Variants in EYS observed in about 807,000 individuals in gnomAD.
EYS encodes protein eyes shut homolog.
Under a neutral mutation model 282.1 loss-of-function variants are expected in EYS, and 250 were observed. The observed-to-expected ratio is 0.89, with a 90% CI of 0.80 to 0.98. The LOEUF is 0.98. EYS is among the 50% of genes least tolerant of loss of function. EYS has a pLI of 0.00. For missense variants in EYS, 4,016 were observed against 3,709.0 expected, an observed-to-expected ratio of 1.08 and a Z score of -2.15; for synonymous variants, 1,355 against 1,282.9, an observed-to-expected ratio of 1.06 and a Z score of -1.20.
Position 65,357,887 on chromosome 6 carries a change from A to C in EYS, c.1300-4270T>G, listed in dbSNP as rs1305812432. ...ATTTTTTTTCGTTTTTGTAAACTTA[A>C]ATAAAAAGACAATTAAGTGAGTCAA... On this transcript the variant is annotated intron_variant, in intron 8 of 42. Coordinates refer to ENST00000503581, the MANE Select transcript of EYS (RefSeq NM_001142800.2). Among the ~76,000 whole-genome samples the C allele has an allele frequency of 1.8e-4, 28 of 151,966 alleles. 1 individual carries two copies. The highest frequency in any genetic ancestry group is 1.8e-3 in the Admixed American group (28 of 15,228).
At chr6:63,913,760 G>A (rs1163772353) in intron 35 of EYS, among the ~76,000 whole-genome samples, 2 of 152,120 alleles carry the variant, frequency 1.3e-5, no homozygotes, top group East Asian at 1.9e-4. Flanking sequence ...ACACCTTTTA[G>A]TTATGAACAA....
intron 31 of EYS, among the ~76,000 whole-genome samples, chr6:64,183,099 G>A (rs145183270): frequency 8.3e-4 from 127 of 152,192 alleles, no homozygotes; most frequent in African/African-American, 3.0e-3. Flanking sequence ...AGATCCGATG[G>A]TTTTATAAGG....
rs2149802187 is a variant in EYS, at chr6:63,998,989, T to C, written c.6834+86A>G. On this transcript the variant is annotated intron_variant, in intron 34 of 42. Transcript: ENST00000503581. ...AAGGAATCTGTTCAATTAAGAAATA[T>C]GATTACTGCTTAGTAACATAAAAAA... is the stretch of plus-strand genomic sequence containing the variant. 3.7e-6 allele frequency: 3 copies of C among 800,090 alleles called. No homozygotes were observed. In the East Asian group the frequency reaches 8.2e-5, roughly 22 times the overall value. 49.6% of individuals were successfully genotyped at this position (800,090 alleles called of 1,614,324 possible).
At chr6:64,515,100 T>C (rs956728550) in intron 26 of EYS, among the ~76,000 whole-genome samples, 4 of 151,782 alleles carry the variant, frequency 2.6e-5, no homozygotes, top group African/African-American at 9.7e-5. Flanking sequence ...TTCAGTTACT[T>C]GTACCTTGAA....
intron 12 of EYS, among the ~76,000 whole-genome samples, chr6:65,123,318 A>T (rs1775619748): frequency 6.6e-6 from 1 of 152,162 alleles, no homozygotes; most frequent in Admixed American, 6.5e-5. Context: ...GTTATGTTTT[A>T]TTTTGTGTTA....
chr6:64,266,607 A>C (rs1232124380), intron 30 of EYS, among the ~76,000 whole-genome samples: 1 of 152,156 alleles, frequency 6.6e-6, no homozygotes, highest in African/African-American at 2.4e-5. Context: ...AAGTCAGTTA[A>C]GGACAAAATT....
intron 12 of EYS, among the ~76,000 whole-genome samples, chr6:65,129,186 C>T (rs979292655): frequency 2.0e-5 from 3 of 151,928 alleles, no homozygotes; most frequent in African/African-American, 7.2e-5. Context: ...TAAATAAAGA[C>T]TTAAATGTAA....
rs547844581 is a variant in EYS at position 65,072,209 on chromosome 6, T to G, written c.2024-14482A>C. 2.6e-5 allele frequency among the ~76,000 whole-genome samples: 4 copies of G among 151,840 alleles called. No homozygotes were observed. In the South Asian group the frequency reaches 8.3e-4, roughly 32 times the overall value. ...AGTTGTCTTCCCAAACAGGGCTACA[T>G]ATTGGGGAGAAATTGTAAGAAATTT... On this transcript the variant is annotated intron_variant, in intron 12 of 42. Transcript: ENST00000503581.
In EYS at chr6:64,027,194, A is replaced by G. The variant is rs558819507; in HGVS notation, c.6726-28011T>C. ...GACTCAGATCATGGGGACTGGAGTC[A>G]TAAACATCTGTTGACCTGTGTTCTA... is the stretch of plus-strand genomic sequence containing the variant. On this transcript the variant is annotated intron_variant, in intron 33 of 42. Coordinates refer to ENST00000503581, the MANE Select transcript of EYS (RefSeq NM_001142800.2). Among the ~76,000 whole-genome samples the G allele has an allele frequency of 3.9e-5, 6 of 152,332 alleles. No homozygotes were observed. In the East Asian group the frequency reaches 1.2e-3, roughly 29 times the overall value.
intron 8 of EYS, among the ~76,000 whole-genome samples, chr6:65,363,682 CAA>C (rs1285463771): frequency 2.6e-5 from 4 of 151,668 alleles, no homozygotes; most frequent in East Asian, 1.9e-4. Flanking sequence ...TAATACAAGT[CAA>C]GTTTATTTAG....
At chr6:65,588,133 T>C (rs771362967) in intron 2 of EYS, among the ~76,000 whole-genome samples, 1 of 152,104 alleles carries the variant, frequency 6.6e-6, no homozygotes, top group Non-Finnish European at 1.5e-5. Flanking sequence ...ATTGAGAGTA[T>C]GAAATTAGAT....
At chr6:64,123,441 C>A (rs769138593) in intron 31 of EYS, among the ~76,000 whole-genome samples, 8 of 152,072 alleles carry the variant, frequency 5.3e-5, no homozygotes, top group Non-Finnish European at 8.8e-5. Flanking sequence ...TTTAATTTCT[C>A]TAAACAAGCA....
chr6:64,557,217 TACACAC>T (rs3994994), intron 26 of EYS, among the ~76,000 whole-genome samples: 20,245 of 147,904 alleles, frequency 0.14, 1,534 homozygotes, highest in Non-Finnish European at 0.18. Flanking sequence ...CACACACACA[TACACAC>T]ACACACACAC....
chr6:65,321,528 T>C (rs1414035503), intron 11 of EYS, among the ~76,000 whole-genome samples: 4 of 152,054 alleles, frequency 2.6e-5, no homozygotes, highest in African/African-American at 9.7e-5. Flanking sequence ...GAAGATAATA[T>C]CCTCAAGTTT....
intron 29 of EYS, among the ~76,000 whole-genome samples, chr6:64,334,278 T>A (rs189600687): frequency 2.0e-5 from 3 of 152,206 alleles, no homozygotes; most frequent in Admixed American, 6.5e-5. Flanking sequence ...TACTACCTGA[T>A]AAATGGACAG....
At chr6:65,018,078 G>A (rs1234725092) in intron 13 of EYS, among the ~76,000 whole-genome samples, 1 of 152,134 alleles carries the variant, frequency 6.6e-6, no homozygotes, top group Non-Finnish European at 1.5e-5. Context: ...CTTTTGACTA[G>A]AAATGAGAGT....
At chr6:64,275,731 C>T (rs547241502) in intron 30 of EYS, among the ~76,000 whole-genome samples, 53 of 150,950 alleles carry the variant, frequency 3.5e-4, no homozygotes, top group African/African-American at 1.2e-3. Context: ...CCGAGGCGGG[C>T]GGATCACGAG....
chr6:64,587,241 A>G (rs965432831), intron 26 of EYS, among the ~76,000 whole-genome samples: 1 of 151,776 alleles, frequency 6.6e-6, no homozygotes, highest in African/African-American at 2.4e-5. Context: ...GCAGCAAGGG[A>G]CTCTAAAATT....
intron 11 of EYS, chr6:65,304,978 TA>T (rs767160893): frequency 0.15 from 24,109 of 162,592 alleles, 1,298 homozygotes; most frequent in Non-Finnish European, 0.18. Flanking sequence ...GAGGACACTT[TA>T]AAAAAAAATC....
Sources: allele counts gnomAD v4.1 joint callset (sites outside exome capture counted in the v4.1 genomes callset), GRCh38; gene constraint gnomAD v4.1.1; transcripts MANE v1.5; gene names NCBI Gene and HGNC (gene_info 2026-07-23, HGNC 2026-07-21).